Variants in ADCY1 observed in about 807,000 individuals in gnomAD.
ADCY1 encodes the protein adenylate cyclase 1, also known as adenylate cyclase type 1.
ADCY1 carries 28 observed loss-of-function variants against 105.4 expected under a neutral mutation model. The observed-to-expected ratio is 0.27, with a 90% CI of 0.20 to 0.36. ADCY1 has a LOEUF of 0.36. ADCY1 is among the 10% of genes least tolerant of loss of function. The probability of loss-of-function intolerance (pLI) is 1.00; values close to 1 mark genes in which losing one functional copy is unlikely to be tolerated. For missense variants in ADCY1, 977 were observed against 1,434.2 expected (o/e 0.68, Z 5.15); for synonymous variants, 655 against 623.8 (o/e 1.05, Z -0.75).
intron 7 of ADCY1, among the ~76,000 whole-genome samples, chr7:45,661,035 G>T (rs756406759): frequency 1.3e-5 from 2 of 151,824 alleles, no homozygotes; most frequent in Non-Finnish European, 2.9e-5. Context: ...TTCAGGCTCA[G>T]GGGAGGGTCG....
Position 45,678,017 on chromosome 7 carries a change from T to G in ADCY1, c.1754T>G (p.Leu585Arg), listed in dbSNP as rs764481666. The G allele has an allele frequency of 6.2e-7, 1 of 1,614,152 alleles. No individual in the cohort carries two copies. The highest frequency in any genetic ancestry group is 1.1e-5 in the South Asian group (1 of 91,078). The change falls in exon 9 of 20, where the codon CTG becomes CGG. Residue 585 changes from leucine to arginine, a missense_variant. Around this residue, in one of 7 missense-constraint regions of ADCY1, gnomAD observed 275 missense variants for 362.1 expected, o/e 0.76. Coordinates refer to ENST00000297323, the MANE Select transcript of ADCY1 (RefSeq NM_021116.4). ...CAGACAGAGCTGGAGATGGCAGACC[T>G]GAACTTCTTTACCCTGAAGTACAAA... is the stretch of plus-strand genomic sequence containing the variant. ...ARQTELEMADLNFFTLKYKHV... is the reference protein window; with the variant it reads ...ARQTELEMADRNFFTLKYKHV...
Position 45,574,491 on chromosome 7 carries a change from C to T in ADCY1, c.-53C>T, listed in dbSNP as rs1792256410. On this transcript the variant is annotated 5_prime_UTR_variant, in exon 1 of 20. Coordinates refer to ENST00000297323, the MANE Select transcript of ADCY1 (RefSeq NM_021116.4). This position sits in a 1 kb window ranked among gnomAD's most constrained non-coding sequence, Gnocchi z 7.0. ...CGGCGCCGCCGCCCGCGCCCCGGCG[C>T]CCCGGGCCGGCGAGGGGCGCGCCCG... 1.2e-6 allele frequency: 1 copy of T among 857,356 alleles called. No individual in the cohort carries two copies. The highest frequency in any genetic ancestry group is 1.4e-6 in the Non-Finnish European group (1 of 717,708). 53.1% of individuals were successfully genotyped at this position (857,356 alleles called of 1,614,324 possible). A position where few individuals can be genotyped will look rare whatever the true frequency, so the allele number is the denominator to read the frequency against.
At chr7:45,621,134 C>T (rs1041433792) in intron 3 of ADCY1, among the ~76,000 whole-genome samples, 9 of 152,144 alleles carry the variant, frequency 5.9e-5, no homozygotes, top group East Asian at 1.9e-4. Flanking sequence ...TGGCATGCTT[C>T]AGCTCACTGC....
intron 2 of ADCY1, among the ~76,000 whole-genome samples, chr7:45,599,394 C>G (rs769299390): frequency 2.0e-5 from 3 of 151,204 alleles, no homozygotes; most frequent in Non-Finnish European, 4.4e-5. Context: ...TCCAGGAGCA[C>G]TACATTGGGC....
At chr7:45,577,358 G>T (rs1390466592) in intron 1 of ADCY1, among the ~76,000 whole-genome samples, 2 of 152,208 alleles carry the variant, frequency 1.3e-5, no homozygotes, top group African/African-American at 2.4e-5. Flanking sequence ...GGGGATCAAT[G>T]CAGGGAGACT....
At chr7:45,711,986 T>C (rs1476305442) in intron 19 of ADCY1, among the ~76,000 whole-genome samples, 1 of 119,480 alleles carries the variant, frequency 8.4e-6, no homozygotes, top group Admixed American at 9.9e-5. Context: ...ATATTAAATA[T>C]ATATTTTATA....
intron 3 of ADCY1, among the ~76,000 whole-genome samples, chr7:45,612,721 A>G (rs954792885): frequency 6.6e-6 from 1 of 152,168 alleles, no homozygotes; most frequent in African/African-American, 2.4e-5. Context: ...CAGTGTGACC[A>G]CTGCCCCAAC....
rs1033010346 is a variant in ADCY1, at chr7:45,591,619, C to T, written c.640-1140C>T. On this transcript the variant is annotated intron_variant, in intron 1 of 19. Transcript: ENST00000297323. This position sits in a 1 kb window ranked among gnomAD's most constrained non-coding sequence, Gnocchi z 4.1. Reference sequence around the variant, plus strand: ...ATTTTGCGAGTGACCAAGGGACACCCGTTTCATACAATACTTACAAACTGC... The same window carrying T: ...ATTTTGCGAGTGACCAAGGGACACCTGTTTCATACAATACTTACAAACTGC... Among the ~76,000 whole-genome samples, 10 of 152,250 alleles carry T rather than the reference C, an allele frequency of 6.6e-5. No individual in the cohort carries two copies. The highest frequency in any genetic ancestry group is 1.9e-4 in the East Asian group (1 of 5,202).
At chr7:45,621,148 C>G (rs1166095071) in intron 3 of ADCY1, among the ~76,000 whole-genome samples, 4 of 152,180 alleles carry the variant, frequency 2.6e-5, no homozygotes, top group Non-Finnish European at 4.4e-5. Context: ...TCACTGCAAC[C>G]TCCACCTCCC....
In ADCY1 at chr7:45,662,919, C is replaced by A. The variant is rs569376200; in HGVS notation, c.1605+705C>A. On this transcript the variant is annotated intron_variant, in intron 8 of 19. Coordinates refer to ENST00000297323, the MANE Select transcript of ADCY1 (RefSeq NM_021116.4). The stretch of plus-strand genomic sequence containing the variant: ...TGTCACCCCTTCATCACCATCTGCC[C>A]CCCAGACAGGGCTCCATACTGCTGC... 3.9e-5 allele frequency among the ~76,000 whole-genome samples: 6 copies of A among 152,252 alleles called. No homozygotes were observed. The South Asian group carries it at 1.2e-3, about 32-fold the overall frequency.
intron 4 of ADCY1, among the ~76,000 whole-genome samples, chr7:45,625,623 G>A (rs186644312): frequency 5.9e-5 from 9 of 152,312 alleles, no homozygotes; most frequent in Non-Finnish European, 1.0e-4. Flanking sequence ...ATGAACACAC[G>A]TGTGTACATG....
chr7:45,611,332 T>G (rs1365963224), intron 3 of ADCY1, among the ~76,000 whole-genome samples: 2 of 151,942 alleles, frequency 1.3e-5, no homozygotes, highest in African/African-American at 2.4e-5. Context: ...GTGATGCATG[T>G]TACAGTTATC....
At chr7:45,631,813 A>G (rs924063576) in intron 4 of ADCY1, among the ~76,000 whole-genome samples, 20 of 152,232 alleles carry the variant, frequency 1.3e-4, no homozygotes, top group Admixed American at 1.3e-3. Context: ...AAGCCTGCAT[A>G]TCTCTGCATC....
At chr7:45,628,567 C>T (rs1463951158) in intron 4 of ADCY1, among the ~76,000 whole-genome samples, 1 of 152,138 alleles carries the variant, frequency 6.6e-6, no homozygotes, top group Non-Finnish European at 1.5e-5. Flanking sequence ...GCACCCCTGC[C>T]CTTCCCCAAG....
At chr7:45,697,893 G>A (rs1050149322) in intron 14 of ADCY1, among the ~76,000 whole-genome samples, 1 of 152,082 alleles carries the variant, frequency 6.6e-6, no homozygotes, top group African/African-American at 2.4e-5. Context: ...ATTCACCACC[G>A]CCGGTCCCAG....
chr7:45,703,295 A>G lies in ADCY1; in HGVS notation c.2455-81A>G, dbSNP rs551467040. On this transcript the variant is annotated intron_variant, in intron 14 of 19. Transcript: ENST00000297323. The surrounding 1 kb of genome is among the most constrained non-coding windows in gnomAD (Gnocchi z 5.9). Reference sequence around the variant, plus strand: ...TCAGCACACCTGGAGTCCAGTTTGGATGATTAGAAGGAAGTGTGCGGTGGG... The same window carrying G: ...TCAGCACACCTGGAGTCCAGTTTGGGTGATTAGAAGGAAGTGTGCGGTGGG... 3 of 1,352,004 alleles carry G rather than the reference A, an allele frequency of 2.2e-6. No homozygotes were observed. The highest frequency in any genetic ancestry group is 2.9e-5 in the African/African-American group (2 of 69,838). 83.8% of individuals were successfully genotyped at this position (1,352,004 alleles called of 1,614,324 possible).
Position 45,718,108 on chromosome 7 carries a change from A to C in ADCY1, c.*4113A>C, listed in dbSNP as rs1202593208. On this transcript the variant is annotated 3_prime_UTR_variant, in exon 20 of 20. Coordinates refer to ENST00000297323, the MANE Select transcript of ADCY1 (RefSeq NM_021116.4). ...GCTCAGCACCCCAGGTCTGGTGAGC[A>C]GACAGAGCCGGCGTTAAACCCCGAT... 1 of 152,166 alleles carries C rather than the reference A, an allele frequency of 6.6e-6. No homozygotes were observed. Among genetic ancestry groups the C allele is most frequent in the Non-Finnish European group, 1.5e-5 (1 of 68,036 alleles). The allele number at this position is 152,166 out of a possible 1,614,324, so 9.4% of individuals were successfully genotyped here.
intron 2 of ADCY1, among the ~76,000 whole-genome samples, chr7:45,609,002 A>T (rs1237691606): frequency 1.3e-5 from 2 of 152,188 alleles, no homozygotes; most frequent in East Asian, 1.9e-4. Context: ...CCTTCTCTGA[A>T]GTTTATGTGG....
chr7:45,705,101 G>A (rs1785088691), intron 17 of ADCY1, among the ~76,000 whole-genome samples: 1 of 152,132 alleles, frequency 6.6e-6, no homozygotes, highest in Non-Finnish European at 1.5e-5. Context: ...GAAAGAGAAA[G>A]CACCAGATTG....
Sources: gnomAD v4.1 joint callset for allele counts (sites outside exome capture counted in the v4.1 genomes callset) on GRCh38, gnomAD v4.1.1 for gene constraint, gnomAD v4.1.1 regional missense constraint, Gnocchi (gnomAD v3.1) non-coding constraint, MANE v1.5 for transcripts, NCBI Gene and HGNC (gene_info 2026-07-23, HGNC 2026-07-21) for gene names.